SNAP47: variants seen among roughly 807,000 people sequenced by gnomAD.
The protein encoded by SNAP47 is synaptosomal-associated protein 47.
In SNAP47, 20 loss-of-function variants were observed where a neutral mutation model predicts 31.4. The observed-to-expected ratio is 0.64, with a 90% CI of 0.45 to 0.93. The LOEUF is 0.93. Ranked by LOEUF, SNAP47 falls within the 40% of genes least tolerant of loss-of-function variation. SNAP47 has a pLI of 0.00. For synonymous variants in SNAP47, 194 were observed against 213.4 expected (o/e 0.91, Z 0.79); for missense variants, 492 against 528.5 (o/e 0.93, Z 0.68).
In SNAP47 at chr1:227,780,702, A is replaced by C. The variant is rs574827310; in HGVS notation, c.*29A>C. ...CAGAACGTCCCTGCATTCCTGTCTC[A>C]CCCTGCACATCCCGCTGAGATGGAG... On this transcript the variant is annotated 3_prime_UTR_variant, in exon 5 of 5. Transcript: ENST00000617596. The C allele has an allele frequency of 4.3e-6, 7 of 1,612,758 alleles. No individual in the cohort carries two copies. Among genetic ancestry groups the C allele is most frequent in the Non-Finnish European group, 5.9e-6 (7 of 1,179,358 alleles).
intron 4 of SNAP47, chr1:227,768,201 C>A: frequency 1.2e-6 from 1 of 825,056 alleles, no homozygotes; most frequent in Non-Finnish European, 1.5e-6. Flanking sequence ...GGGTATGTGG[C>A]GCACATGCAG....
chr1:227,737,401 G>A (rs1661292595), intron 1 of SNAP47, among the ~76,000 whole-genome samples: 1 of 152,186 alleles, frequency 6.6e-6, no homozygotes, highest in South Asian at 2.1e-4. Flanking sequence ...TTTGCACACA[G>A]TGCGAGGCCT....
At chr1:227,734,595 T>TG (rs1198882556), upstream of SNAP47, 3 of 1,581,998 alleles carry the variant, frequency 1.9e-6, no homozygotes, top group African/African-American at 4.0e-5. Flanking sequence ...GAAAGGCCTC[T>TG]GGGTTCACGC....
At chr1:227,736,504 T>A (rs1661182528) in intron 1 of SNAP47, 1 of 5,870 alleles carries the variant, frequency 1.7e-4, no homozygotes, top group Non-Finnish European at 4.5e-4. Flanking sequence ...CCAGAGCAGT[T>A]TTTTTTTTTT....
At chr1:227,734,540 C>G, upstream of SNAP47, 2 of 974,240 alleles carry the variant, frequency 2.1e-6, no homozygotes, top group Non-Finnish European at 1.6e-6. Context: ...AAGTGCCTCA[C>G]GGGGAAAAAT....
chr1:227,757,678 T>C (rs1209493650), intron 2 of SNAP47, among the ~76,000 whole-genome samples: 2 of 152,198 alleles, frequency 1.3e-5, no homozygotes, highest in Non-Finnish European at 2.9e-5. Context: ...ATGTGATATA[T>C]TGAGATCTGC....
At chr1:227,775,941 C>A in intron 4 of SNAP47, 1 of 1,294,522 alleles carries the variant, frequency 7.7e-7, no homozygotes, top group Non-Finnish European at 1.0e-6. Context: ...ATGAGGGAGC[C>A]GGCCAGGCCC....
intron 4 of SNAP47, among the ~76,000 whole-genome samples, chr1:227,773,649 T>C (rs1229046849): frequency 6.6e-6 from 1 of 152,230 alleles, no homozygotes; most frequent in Non-Finnish European, 1.5e-5. Flanking sequence ...TTTCGTATCT[T>C]TATGCTGCAC....
chr1:227,763,943 G>C lies in SNAP47; in HGVS notation c.989-3016G>C, dbSNP rs1000462676. Among the ~76,000 whole-genome samples, 2 of 152,178 alleles carry C rather than the reference G, an allele frequency of 1.3e-5. No individual in the cohort carries two copies. The highest frequency in any genetic ancestry group is 4.8e-5 in the African/African-American group (2 of 41,432). ...AGACAGAGCTGTGTCTTGCACAGGGGCCTGTGGCCTCAGGGCACTCTCTTT... is the reference window on the plus strand; with the variant it reads ...AGACAGAGCTGTGTCTTGCACAGGGCCCTGTGGCCTCAGGGCACTCTCTTT... On this transcript the variant is annotated intron_variant, in intron 3 of 4. Coordinates refer to ENST00000617596, the MANE Select transcript of SNAP47 (RefSeq NM_053052.4). This position sits in a 1 kb window ranked among gnomAD's most constrained non-coding sequence, Gnocchi z 4.2.
At chr1:227,732,262 G>A (rs1660697884), upstream of SNAP47, 15 of 1,109,740 alleles carry the variant, frequency 1.4e-5, no homozygotes, top group Non-Finnish European at 1.7e-5. Context: ...CAGTGGCCAT[G>A]AACAGCCAGG....
intron 3 of SNAP47, among the ~76,000 whole-genome samples, chr1:227,766,082 C>T (rs887157333): frequency 3.3e-5 from 5 of 152,194 alleles, no homozygotes; most frequent in African/African-American, 1.2e-4. Flanking sequence ...CCACTGCTCC[C>T]GGGCTGCATC....
chr1:227,749,593 C>T (rs879615703), intron 2 of SNAP47, among the ~76,000 whole-genome samples: 1 of 152,200 alleles, frequency 6.6e-6, no homozygotes, highest in Non-Finnish European at 1.5e-5. Flanking sequence ...TATCCACCTT[C>T]CTGGATTTGC....
At chr1:227,755,749 T>C (rs550342221) in intron 2 of SNAP47, among the ~76,000 whole-genome samples, 1 of 152,268 alleles carries the variant, frequency 6.6e-6, no homozygotes, top group Admixed American at 6.5e-5. Context: ...TCCAGGTTTT[T>C]AGATAATAAC....
chr1:227,776,068 G>C (rs1664140892), intron 4 of SNAP47: 1 of 1,187,950 alleles, frequency 8.4e-7, no homozygotes. Flanking sequence ...GCGTTTCTTT[G>C]TTCAGGTTGT....
chr1:227,734,705 GC>G, upstream of SNAP47: 1 of 1,614,118 alleles, frequency 6.2e-7, no homozygotes, highest in Non-Finnish European at 8.5e-7. Context: ...GGAGTAGCCC[GC>G]CTGTATGTAC....
Position 227,741,788 on chromosome 1 carries a change from GGTGTCT to G in SNAP47, c.-45-5903_-45-5898del, listed in dbSNP as rs1475992117. On this transcript the variant is annotated intron_variant, in intron 1 of 4. Coordinates refer to ENST00000617596, the MANE Select transcript of SNAP47 (RefSeq NM_053052.4). The surrounding 1 kb of genome is among the most constrained non-coding windows in gnomAD (Gnocchi z 4.2). ...TTGGGCTGCTTCTGATGTTCCATGG[GGTGTCT>G]TCACTTCCGTCCTTGCACTGCATCT... Among the ~76,000 whole-genome samples, 2 of 152,198 alleles carry G rather than the reference GGTGTCT, an allele frequency of 1.3e-5. No homozygotes were observed. The highest frequency in any genetic ancestry group is 4.8e-5 in the African/African-American group (2 of 41,516).
upstream of SNAP47, chr1:227,733,008 T>C: frequency 6.2e-7 from 1 of 1,613,456 alleles, no homozygotes; most frequent in East Asian, 2.2e-5. Flanking sequence ...CCAGTTGTGG[T>C]TGATGGAGAT....
chr1:227,732,265 C>T (rs556080543), upstream of SNAP47: 3 of 1,127,940 alleles, frequency 2.7e-6, no homozygotes, highest in Middle Eastern at 3.1e-4. Flanking sequence ...TGGCCATGAA[C>T]AGCCAGGCCA....
chr1:227,778,443 C>G (rs576969220), intron 4 of SNAP47, among the ~76,000 whole-genome samples: 1 of 152,234 alleles, frequency 6.6e-6, no homozygotes, highest in Non-Finnish European at 1.5e-5. Context: ...ACTTAAATCA[C>G]ATTTTAGTAT....
Sources: allele counts gnomAD v4.1 joint callset (sites outside exome capture counted in the v4.1 genomes callset), GRCh38; gene constraint gnomAD v4.1.1; non-coding constraint Gnocchi (gnomAD v3.1); transcripts MANE v1.5; gene names NCBI Gene and HGNC (gene_info 2026-07-23, HGNC 2026-07-21).